ZNF595: variants seen among roughly 807,000 people sequenced by gnomAD.
The protein encoded by ZNF595 is zinc finger protein 595.
In ZNF595, 9 loss-of-function variants were observed where a neutral mutation model predicts 19.4. The ratio of observed to expected loss-of-function variants is 0.46; its 90% CI spans 0.28 to 0.81. The LOEUF (loss-of-function observed/expected upper bound fraction) is 0.81, where lower values mean the gene tolerates loss of function less well. Ranked by LOEUF, ZNF595 falls within the 30% of genes least tolerant of loss-of-function variation. ZNF595 has a pLI of 0.11. For missense variants in ZNF595, 729 were observed against 736.0 expected, an observed-to-expected ratio of 0.99 and a Z score of 0.11; for synonymous variants, 255 against 255.9, an observed-to-expected ratio of 1.00 and a Z score of 0.03.
At position 86,612 on chromosome 4, in the gene ZNF595, T is replaced by C. The variant is rs1714194367; in HGVS notation, c.1108T>C (p.Cys370Arg). The C allele has an allele frequency of 1.9e-6, 3 of 1,613,472 alleles. No individual in the cohort carries two copies. Among genetic ancestry groups the C allele is most frequent in the East Asian group, 4.5e-5 (2 of 44,834 alleles). ...TCATTCTGAACAAAAACTTTACAAATGTGAAGAATGTGGCAAAGCCTTTAC... is the reference window on the plus strand; with the variant it reads ...TCATTCTGAACAAAAACTTTACAAACGTGAAGAATGTGGCAAAGCCTTTAC... ...SIHSEQKLYK[C>R]EECGKAFTWS... Residue 370 changes from cysteine to arginine, a missense_variant, in exon 4 of 4, where the codon TGT becomes CGT. Coordinates refer to ENST00000610261, the MANE Select transcript of ZNF595 (RefSeq NM_182524.4).
chr4:86,573 A>G lies in ZNF595; in HGVS notation c.1069A>G (p.Ile357Val), dbSNP rs1553801646. Residue 357 changes from isoleucine to valine, a missense_variant, in exon 4 of 4, where the codon ATA becomes GTA. Physicochemically the swap from Ile to Val is conservative, Grantham distance 29 (BLOSUM62 3). Around this residue, in one of 2 missense-constraint regions of ZNF595, gnomAD observed 729 missense variants for 675.3 expected, o/e 1.08. Transcript: ENST00000610261. ...KAFNQSSSLI[I>V]HRSIHSEQKL... The stretch of plus-strand genomic sequence containing the variant: ...TTTTAACCAATCCTCAAGTCTTATT[A>G]TACACAGGAGCATTCATTCTGAACA... The G allele has an allele frequency of 3.7e-6, 6 of 1,613,282 alleles. No individual in the cohort carries two copies. In the Admixed American group the frequency reaches 8.3e-5, roughly 22 times the overall value.
chr4:74,623 C>T (rs550731425), intron 3 of ZNF595, among the ~76,000 whole-genome samples: 67 of 152,188 alleles, frequency 4.4e-4, no homozygotes, highest in African/African-American at 1.6e-3. Flanking sequence ...AGGCAGCAAT[C>T]GATATATGTA....
chr4:53,480 AG>A lies in ZNF595; in HGVS notation c.-8del. The A allele has an allele frequency of 6.9e-7, 1 of 1,454,790 alleles. No individual in the cohort carries two copies. The highest frequency in any genetic ancestry group is 9.1e-7 in the Non-Finnish European group (1 of 1,097,192). The allele number at this position is 1,454,790 out of a possible 1,614,324, so 90.1% of individuals were successfully genotyped here. A position where few individuals can be genotyped will look rare whatever the true frequency, so the allele number is the denominator to read the frequency against. ...TAGCTAAGACTCCCGGATACCCTGA[AG>A]TCGGGAAATGGTGAGTGTGCGGGGC... On this transcript the variant is annotated 5_prime_UTR_variant, in exon 1 of 4. Coordinates refer to ENST00000610261, the MANE Select transcript of ZNF595 (RefSeq NM_182524.4).
chr4:73,016 T>TG (rs1175362328), intron 3 of ZNF595, among the ~76,000 whole-genome samples: 1 of 152,140 alleles, frequency 6.6e-6, no homozygotes, highest in Non-Finnish European at 1.5e-5. Context: ...CACAGGCAGA[T>TG]GCAGTGAGAG....
intron 3 of ZNF595, among the ~76,000 whole-genome samples, chr4:64,450 T>G (rs1712998796): frequency 6.6e-6 from 1 of 152,312 alleles, no homozygotes; most frequent in South Asian, 2.1e-4. Flanking sequence ...AATAAGGAAC[T>G]TAATCAAAAT....
chr4:55,033 C>A (rs1712564591), intron 1 of ZNF595, among the ~76,000 whole-genome samples: 1 of 150,538 alleles, frequency 6.6e-6, no homozygotes, highest in African/African-American at 2.4e-5. Context: ...AGGCGCCCGC[C>A]ACCATGCCTG....
chr4:78,843 ACCACCATGC>A (rs1182257034), intron 3 of ZNF595, among the ~76,000 whole-genome samples: 1 of 152,124 alleles, frequency 6.6e-6, no homozygotes, highest in Non-Finnish European at 1.5e-5. Context: ...ACAGGAATGC[ACCACCATGC>A]CCGGCTAATT....
At chr4:84,192 CA>C (rs139155185) in intron 3 of ZNF595, among the ~76,000 whole-genome samples, 4,927 of 152,154 alleles carry the variant, frequency 0.032, 197 homozygotes, top group African/African-American at 0.095. Context: ...AGTTTATGAT[CA>C]TTTTTATGCT....
Position 86,536 on chromosome 4 carries a change from A to G in ZNF595, c.1032A>G (p.Lys344=), listed in dbSNP as rs1714188716. 1.2e-6 allele frequency: 2 copies of G among 1,613,966 alleles called. No homozygotes were observed. Among genetic ancestry groups the G allele is most frequent in the African/African-American group, 1.3e-5 (1 of 75,040 alleles). The change falls in exon 4 of 4, where the codon AAA becomes AAG. Residue 344 remains lysine, a synonymous_variant. Coordinates refer to ENST00000610261, the MANE Select transcript of ZNF595 (RefSeq NM_182524.4). The stretch of plus-strand genomic sequence containing the variant: ...GCGAAAAACCCTACACATGTGAAAA[A>G]TGTGGCAAAGCTTTTAACCAATCCT... The part of the protein sequence containing the change: ...HTGEKPYTCE[K]CGKAFNQSSS...
intron 3 of ZNF595, among the ~76,000 whole-genome samples, chr4:74,339 T>G (rs1204502507): frequency 6.6e-6 from 1 of 152,186 alleles, no homozygotes; most frequent in African/African-American, 2.4e-5. Context: ...TATATGTCTT[T>G]TAGGTGTAGT....
chr4:78,818 T>C (rs1450244459), intron 3 of ZNF595, among the ~76,000 whole-genome samples: 1 of 152,182 alleles, frequency 6.6e-6, no homozygotes, highest in African/African-American at 2.4e-5. Flanking sequence ...ATCAGCCTCC[T>C]GAGTAGCTGG....
chr4:70,731 C>T (rs1229919066), intron 3 of ZNF595, among the ~76,000 whole-genome samples: 8 of 152,118 alleles, frequency 5.3e-5, no homozygotes, highest in African/African-American at 1.9e-4. Flanking sequence ...CTGATCAGTC[C>T]CATGCTGTTC....
At chr4:83,642 A>AAAAAG (rs1714016896) in intron 3 of ZNF595, among the ~76,000 whole-genome samples, 13 of 136,468 alleles carry the variant, frequency 9.5e-5, no homozygotes, top group African/African-American at 4.1e-4. Context: ...AAAAAAAAAA[A>AAAAAG]AAAGAAAGAA....
At chr4:84,529 C>A (rs925965196) in intron 3 of ZNF595, among the ~76,000 whole-genome samples, 17 of 152,104 alleles carry the variant, frequency 1.1e-4, no homozygotes, top group African/African-American at 4.1e-4. Context: ...TATCACAATT[C>A]CCTCTTGTCT....
At chr4:77,135 C>CTT (rs1192154507) in intron 3 of ZNF595, among the ~76,000 whole-genome samples, 3 of 145,754 alleles carry the variant, frequency 2.1e-5, no homozygotes, top group African/African-American at 7.5e-5. Context: ...CTCTTTCATT[C>CTT]TTTTTTTTTT....
At chr4:69,202 G>T (rs1417885942) in intron 3 of ZNF595, among the ~76,000 whole-genome samples, 2 of 152,196 alleles carry the variant, frequency 1.3e-5, no homozygotes, top group Non-Finnish European at 2.9e-5. Context: ...TGTGAACACT[G>T]CTGCAATAAA....
At chr4:84,863 T>G (rs1209480183) in intron 3 of ZNF595, among the ~76,000 whole-genome samples, 2 of 152,324 alleles carry the variant, frequency 1.3e-5, no homozygotes, top group Non-Finnish European at 1.5e-5. Context: ...ATTGAGGATT[T>G]TTCAGGTTAA....
intron 3 of ZNF595, among the ~76,000 whole-genome samples, chr4:70,790 C>T (rs1428795378): frequency 6.6e-6 from 1 of 152,064 alleles, no homozygotes; most frequent in Non-Finnish European, 1.5e-5. Context: ...AGGATGATTC[C>T]TCCAGTTTCT....
In ZNF595 at chr4:85,852, C is replaced by T. The variant is rs17853556; in HGVS notation, c.348C>T (p.Gly116=). 13 of 1,614,004 alleles carry T rather than the reference C, an allele frequency of 8.1e-6. No homozygotes were observed. The South Asian group carries it at 1.2e-4, about 15-fold the overall frequency. ...ATGAGAATTTACAATTAAGAAAAGGCTGTAAACGTGTGAATGAGTGTAAGG... is the reference window on the plus strand; with the variant it reads ...ATGAGAATTTACAATTAAGAAAAGGTTGTAAACGTGTGAATGAGTGTAAGG... ...CGHENLQLRK[G]CKRVNECKVQ... The change falls in exon 4 of 4, where the codon GGC becomes GGT. Residue 116 remains glycine, a synonymous_variant. Transcript: ENST00000610261.
Sources: gnomAD v4.1 joint callset for allele counts (sites outside exome capture counted in the v4.1 genomes callset) on GRCh38, gnomAD v4.1.1 for gene constraint, gnomAD v4.1.1 regional missense constraint, MANE v1.5 for transcripts, NCBI Gene and HGNC (gene_info 2026-07-23, HGNC 2026-07-21) for gene names.